Variants in HERC2 observed in about 807,000 individuals in gnomAD.
HERC2 encodes the protein HECT and RLD domain containing E3 ubiquitin protein ligase 2.
In HERC2, 102 loss-of-function variants were observed where a neutral mutation model predicts 537.7. The observed-to-expected ratio is 0.19, with a 90% CI of 0.16 to 0.22. HERC2 has a LOEUF of 0.22. HERC2 is among the 10% of genes least tolerant of loss of function. The pLI is 1.00. For missense variants in HERC2, 4,236 were observed against 6,198.2 expected (o/e 0.68, Z 10.63); for synonymous variants, 2,224 against 2,466.2 (o/e 0.90, Z 2.91).
intron 69 of HERC2, 42 bp from the exon 70 acceptor site, chr15:28,152,872 C>G: frequency 6.5e-7 from 1 of 1,542,258 alleles, no homozygotes; most frequent in Non-Finnish European, 8.8e-7. Flanking sequence ...GCCAACAGCC[C>G]CACACCTGGT....
rs1435615545 is a variant in HERC2 at position 28,214,093 on chromosome 15, C to G, written c.6538G>C (p.Gly2180Arg). The G allele has an allele frequency of 6.2e-7, 1 of 1,614,198 alleles. No individual in the cohort carries two copies. The highest frequency in any genetic ancestry group is 1.7e-5 in the Admixed American group (1 of 60,032). The change falls in exon 41 of 93, where the codon GGA (glycine) becomes CGA (arginine). Residue 2180 changes from glycine (G) to arginine (R), a missense_variant. This residue lies in a region of HERC2 where 365 missense variants were observed against 468.8 expected (regional missense o/e 0.78). Transcript: ENST00000261609. ...AAACCCACCCCTTCGGAAGGCCTTC[C>G]CACAAAGCTGTGGGTGATGGAGCGG... ...QLRSITHSFV[G>R]RPSEGAQLED...
intron 79 of HERC2, among the ~76,000 whole-genome samples, chr15:28,134,459 G>A (rs910337329): frequency 6.6e-6 from 1 of 152,010 alleles, no homozygotes; most frequent in African/African-American, 2.4e-5. Context: ...TTATTTCTTT[G>A]CACTGCTGTA....
chr15:28,230,277 C>T (rs1901689326), intron 31 of HERC2, 90 bp downstream of exon 31: 9 of 1,324,972 alleles, frequency 6.8e-6, no homozygotes, highest in Non-Finnish European at 9.6e-6. Context: ...CCCGTCCCTC[C>T]CTCCAGATGC....
At chr15:28,116,489 T>A (rs1595970984) in intron 88 of HERC2, among the ~76,000 whole-genome samples, 176 bp downstream of exon 88, 1 of 152,254 alleles carries the variant, frequency 6.6e-6, no homozygotes, top group Admixed American at 6.5e-5. Flanking sequence ...AGTGCTAGGG[T>A]TATAGGCGTG....
intron 34 of HERC2, among the ~76,000 whole-genome samples, chr15:28,228,974 T>C (rs1901539973): frequency 6.6e-6 from 1 of 152,202 alleles, no homozygotes; most frequent in African/African-American, 2.4e-5. Context: ...CACATCAAAA[T>C]GTAAAAATGT....
chr15:28,262,585 C>T (rs1169889233), intron 15 of HERC2, among the ~76,000 whole-genome samples: 1 of 152,196 alleles, frequency 6.6e-6, no homozygotes, highest in Non-Finnish European at 1.5e-5. Context: ...GCCTGCAGTA[C>T]AAGTACAGGT....
chr15:28,285,621 C>T (rs1410992705), intron 4 of HERC2, among the ~76,000 whole-genome samples: 5 of 150,414 alleles, frequency 3.3e-5, no homozygotes, highest in African/African-American at 4.9e-5. Flanking sequence ...TATAAGTGCC[C>T]GCCTCGACAA....
At chr15:28,200,510 A>G (rs1275956893) in intron 48 of HERC2, among the ~76,000 whole-genome samples, 3 of 152,186 alleles carry the variant, frequency 2.0e-5, no homozygotes, top group African/African-American at 7.2e-5. Context: ...ACCATGAGAA[A>G]TAAATGTCTG....
At chr15:28,133,513 T>C (rs1890314903) in intron 79 of HERC2, among the ~76,000 whole-genome samples, 1 of 152,238 alleles carries the variant, frequency 6.6e-6, no homozygotes, top group Non-Finnish European at 1.5e-5. Context: ...TAAAAATCTT[T>C]TCTGACCTAA....
intron 69 of HERC2, among the ~76,000 whole-genome samples, 191 bp from the exon 70 acceptor site, chr15:28,153,021 C>A (rs1892614277): frequency 6.6e-6 from 1 of 152,156 alleles, no homozygotes; most frequent in Non-Finnish European, 1.5e-5. Flanking sequence ...CAGCACAGAG[C>A]CTGTAAGATG....
At chr15:28,124,778 G>A (rs1162878964) in intron 84 of HERC2, among the ~76,000 whole-genome samples, 2 of 152,238 alleles carry the variant, frequency 1.3e-5, no homozygotes, top group African/African-American at 2.4e-5. Context: ...CTGAACTCCT[G>A]AGTTCAAGCA....
At chr15:28,203,665 C>T (rs1898109653) in intron 45 of HERC2, 1 of 151,992 alleles carries the variant, frequency 6.6e-6, no homozygotes, top group Admixed American at 6.6e-5. Flanking sequence ...GACGGCGCAC[C>T]TTCCTGCACT....
intron 52 of HERC2, among the ~76,000 whole-genome samples, chr15:28,194,047 T>C (rs1423872736): frequency 1.3e-5 from 2 of 150,958 alleles, no homozygotes; most frequent in African/African-American, 2.4e-5. Context: ...ATGCCCCACA[T>C]GTATTGTTTG....
In HERC2 at chr15:28,169,575, G is replaced by C. The variant is rs2140101647; in HGVS notation, c.10138C>G (p.Leu3380Val). The change falls in exon 66 of 93, where the codon CTT becomes GTT. Residue 3380 changes from leucine to valine, a missense_variant. Physicochemically the swap from Leu to Val is conservative, Grantham distance 32. This residue lies in a region of HERC2 where 356 missense variants were observed against 450.9 expected (regional missense o/e 0.79). Transcript: ENST00000261609. ...ASNSKPNRPSLAKILLSLDGN... is the reference protein window; with the variant it reads ...ASNSKPNRPSVAKILLSLDGN... ...TCCAATGACAAGAGAATCTTGGCAAGAGAAGGGCGATTTGGCTTAGAATTA... is the reference window on the plus strand; with the variant it reads ...TCCAATGACAAGAGAATCTTGGCAACAGAAGGGCGATTTGGCTTAGAATTA... 3 of 1,614,018 alleles carry C rather than the reference G, an allele frequency of 1.9e-6. No individual in the cohort carries two copies. Among genetic ancestry groups the C allele is most frequent in the Middle Eastern group, 1.7e-4 (1 of 6,056 alleles).
chr15:28,112,501 T>C (rs1009733032), intron 92 of HERC2, among the ~76,000 whole-genome samples: 4 of 152,238 alleles, frequency 2.6e-5, no homozygotes, highest in African/African-American at 9.6e-5. Flanking sequence ...GCCACTTTTC[T>C]AACCCTGGCA....
At chr15:28,318,479 T>C (rs2077148911) in intron 2 of HERC2, among the ~76,000 whole-genome samples, 1 of 152,058 alleles carries the variant, frequency 6.6e-6, no homozygotes, top group Admixed American at 6.6e-5. Flanking sequence ...GTACACAAAA[T>C]TAGCCAGGCG....
intron 71 of HERC2, among the ~76,000 whole-genome samples, chr15:28,145,328 A>G (rs935048835): frequency 6.6e-6 from 1 of 152,210 alleles, no homozygotes; most frequent in African/African-American, 2.4e-5. Flanking sequence ...GTGGTGTACT[A>G]CACCTAAGAT....
At chr15:28,281,967 G>A (rs115879094) in intron 4 of HERC2, among the ~76,000 whole-genome samples, 117 of 152,258 alleles carry the variant, frequency 7.7e-4, no homozygotes, top group African/African-American at 2.7e-3. Context: ...GAGCACCCAC[G>A]TGCCCTTCTC....
chr15:28,146,036 C>T (rs1891696252), intron 71 of HERC2, among the ~76,000 whole-genome samples: 1 of 152,212 alleles, frequency 6.6e-6, no homozygotes, highest in Admixed American at 6.5e-5. Context: ...GTGGTACATA[C>T]ATCACAGATA....
Sources: allele counts gnomAD v4.1 joint callset (sites outside exome capture counted in the v4.1 genomes callset), GRCh38; gene constraint gnomAD v4.1.1; regional missense constraint gnomAD v4.1.1; transcripts MANE v1.5; gene names NCBI Gene and HGNC (gene_info 2026-07-23, HGNC 2026-07-21).